Variants in ABCA5 observed in about 807,000 individuals in gnomAD.
The protein encoded by ABCA5 is ATP binding cassette subfamily A member 5.
Under a neutral mutation model 206.0 loss-of-function variants are expected in ABCA5, and 163 were observed. That is an observed-to-expected ratio of 0.79 (90% CI 0.70 to 0.90). ABCA5 has a LOEUF of 0.90. Ranked by LOEUF, ABCA5 falls within the 40% of genes least tolerant of loss-of-function variation. The probability of loss-of-function intolerance (pLI) is 0.00; values close to 1 mark genes in which losing one functional copy is unlikely to be tolerated. For synonymous variants in ABCA5, 609 were observed against 613.8 expected (o/e 0.99, Z 0.11); for missense variants, 1,859 against 1,912.9 (o/e 0.97, Z 0.53).
In ABCA5 at chr17:69,244,330, C is replaced by T. The variant is rs991257783; in HGVS notation, c.*3207G>A. The T allele has an allele frequency of 6.6e-6, 1 of 152,006 alleles. No individual in the cohort carries two copies. Among genetic ancestry groups the T allele is most frequent in the Non-Finnish European group, 1.5e-5 (1 of 67,948 alleles). The allele number at this position is 152,006 out of a possible 1,614,324, so 9.4% of individuals were successfully genotyped here. On this transcript the variant is annotated 3_prime_UTR_variant, in exon 39 of 39. Coordinates refer to ENST00000392676, the MANE Select transcript of ABCA5 (RefSeq NM_172232.4). The stretch of plus-strand genomic sequence containing the variant: ...TAACAATTTTAGTGCCAGGTTTTTG[C>T]ATCATTTTTAATATGAGCTACTCAT...
intron 12 of ABCA5, 79 bp downstream of exon 12, chr17:69,291,137 C>A: frequency 1.2e-6 from 1 of 840,440 alleles, no homozygotes; most frequent in South Asian, 2.9e-5. Context: ...GAAGTTGGTC[C>A]CATTGACAAA....
intron 32 of ABCA5, 80 bp from the exon 33 acceptor site, chr17:69,253,949 G>T: frequency 8.5e-7 from 1 of 1,183,096 alleles, no homozygotes; most frequent in Non-Finnish European, 1.2e-6. Context: ...CCCTGATGTT[G>T]TTTTCTCTAG....
chr17:69,248,187 T>C (rs910582292), intron 38 of ABCA5, 75 bp downstream of exon 38: 37 of 870,412 alleles, frequency 4.3e-5, no homozygotes, highest in Admixed American at 1.7e-4. Context: ...TCTCCCTCTC[T>C]AATATAAACC....
Position 69,271,172 on chromosome 17 carries a change from T to C in ABCA5, c.2882A>G (p.His961Arg), listed in dbSNP as rs747036363. The C allele has an allele frequency of 1.9e-6, 3 of 1,611,566 alleles. No homozygotes were observed. In the Admixed American group the frequency reaches 5.1e-5, roughly 27 times the overall value. Residue 961 changes from histidine to arginine, a missense_variant, in exon 21 of 39, where the codon CAT (histidine) becomes CGT (arginine). His to Arg is a conservative substitution (Grantham distance 29, BLOSUM62 0). Transcript: ENST00000392676. ...APHSAALNVM[H>R]SEKDYVFAAV... Reference sequence around the variant, plus strand: ...CTGCATTCATCTTACCTTTTCTGAATGCATCACATTTAAAGCCGCACTATG... The same window carrying C: ...CTGCATTCATCTTACCTTTTCTGAACGCATCACATTTAAAGCCGCACTATG...
At chr17:69,266,063 T>C (rs1333768872) in intron 23 of ABCA5, among the ~76,000 whole-genome samples, 2 of 152,176 alleles carry the variant, frequency 1.3e-5, no homozygotes, top group Non-Finnish European at 1.5e-5. Context: ...AAGTGTGATG[T>C]ATCCATACCA....
rs1475385033 is a variant in ABCA5, at chr17:69,270,628, A to G, written c.3015T>C (p.Ser1005=). 7 of 1,590,226 alleles carry G rather than the reference A, an allele frequency of 4.4e-6. No homozygotes were observed. Among genetic ancestry groups the G allele is most frequent in the Middle Eastern group, 1.7e-4 (1 of 5,756 alleles). Residue 1005 remains serine, a synonymous_variant, in exon 22 of 39, where the codon AGT becomes AGC. Transcript: ENST00000392676. The stretch of plus-strand genomic sequence containing the variant: ...ATTGGCTTACTTGAAAGAATGGGGT[A>G]CTCCAGATCTGGATGGTTTCAGTCA... ...LNVTETIQIW[S]TPFFQEITDI...
rs1410992650 is a variant in ABCA5, at chr17:69,294,664, C to T, written c.1486G>A (p.Ala496Thr). 2 of 1,605,166 alleles carry T rather than the reference C, an allele frequency of 1.2e-6. No homozygotes were observed. Among genetic ancestry groups the T allele is most frequent in the African/African-American group, 1.3e-5 (1 of 74,686 alleles). Residue 496 changes from alanine (A) to threonine (T), a missense_variant, in exon 11 of 39, where the codon GCT becomes ACT. By Grantham distance (58) the Ala-to-Thr change is moderately conservative. Coordinates refer to ENST00000392676, the MANE Select transcript of ABCA5 (RefSeq NM_172232.4). ...TAGGAAAACTACTTACTTCTCAAAG[C>T]CTCCACATTTTCACCCTTCTTTCTG... ...TYRKKGENVE[A>T]LRNLSFDIYE...
intron 19 of ABCA5, among the ~76,000 whole-genome samples, chr17:69,274,357 T>A (rs947287172): frequency 2.6e-5 from 4 of 151,686 alleles, no homozygotes; most frequent in Non-Finnish European, 4.4e-5. Flanking sequence ...TAGCTGAGAC[T>A]ACAGGCACAC....
At position 69,326,109 on chromosome 17, in the gene ABCA5, G is replaced by A. The variant is rs1034172185; in HGVS notation, c.-16+943C>T. On this transcript the variant is annotated intron_variant, in intron 1 of 38. Coordinates refer to ENST00000392676, the MANE Select transcript of ABCA5 (RefSeq NM_172232.4). The surrounding 1 kb of genome is among the most constrained non-coding windows in gnomAD (Gnocchi z 4.8). ...CACCAGAATTAGGGTCTGGCAGCCC[G>A]GGTTGGAATCTCAACTCCATCCTTT... is the stretch of plus-strand genomic sequence containing the variant. Among the ~76,000 whole-genome samples the A allele has an allele frequency of 2.0e-5, 3 of 152,064 alleles. No homozygotes were observed. The highest frequency in any genetic ancestry group is 2.9e-5 in the Non-Finnish European group (2 of 68,022).
At chr17:69,307,269 T>C (rs1456448125) in intron 5 of ABCA5, among the ~76,000 whole-genome samples, 1 of 152,090 alleles carries the variant, frequency 6.6e-6, no homozygotes, top group Admixed American at 6.5e-5. Context: ...ATATGTATCT[T>C]AGTAAAAATA....
At chr17:69,304,620 TCAAA>T (rs2075697629) in intron 7 of ABCA5, 45 bp downstream of exon 7, 1 of 1,432,720 alleles carries the variant, frequency 7.0e-7, no homozygotes, top group Non-Finnish European at 9.3e-7. Flanking sequence ...TGCTATGTTA[TCAAA>T]CATTTTGACA....
intron 26 of ABCA5, 142 bp downstream of exon 26, chr17:69,260,983 A>C: frequency 1.5e-6 from 1 of 650,272 alleles, no homozygotes; most frequent in South Asian, 2.7e-5. Context: ...ACAATAATTT[A>C]TGCTGCATTA....
chr17:69,244,436 CTTA>C lies in ABCA5; in HGVS notation c.*3098_*3100del, dbSNP rs1289847189. On this transcript the variant is annotated 3_prime_UTR_variant, in exon 39 of 39. Coordinates refer to ENST00000392676, the MANE Select transcript of ABCA5 (RefSeq NM_172232.4). Reference sequence around the variant, plus strand: ...TGTCTTAAATTTTCAACTCTTAAAGCTTATTATTAATATAATCATATTTATTTT... The same window carrying C: ...TGTCTTAAATTTTCAACTCTTAAAGCTTATTAATATAATCATATTTATTTT... The C allele has an allele frequency of 6.6e-6, 1 of 151,750 alleles. No homozygotes were observed. Among genetic ancestry groups the C allele is most frequent in the Non-Finnish European group, 1.5e-5 (1 of 67,866 alleles). 9.4% of individuals were successfully genotyped at this position (151,750 alleles called of 1,614,324 possible).
chr17:69,310,580 C>G (rs1021255323), intron 3 of ABCA5, among the ~76,000 whole-genome samples: 1 of 152,144 alleles, frequency 6.6e-6, no homozygotes, highest in Non-Finnish European at 1.5e-5. Flanking sequence ...AATTGTCATT[C>G]AAATCCAATA....
intron 18 of ABCA5, among the ~76,000 whole-genome samples, chr17:69,281,530 A>T (rs755646171): frequency 1.3e-5 from 2 of 152,190 alleles, no homozygotes; most frequent in Non-Finnish European, 2.9e-5. Flanking sequence ...GAAACTACAA[A>T]ATCACATACA....
chr17:69,280,991 C>A (rs1260141532), intron 18 of ABCA5, among the ~76,000 whole-genome samples: 1 of 151,274 alleles, frequency 6.6e-6, no homozygotes, highest in East Asian at 1.9e-4. Flanking sequence ...ATGTAACTAA[C>A]CTGCACAATG....
chr17:69,255,393 C>A (rs2075062970), intron 31 of ABCA5, 150 bp downstream of exon 31: 2 of 492,364 alleles, frequency 4.1e-6, no homozygotes, highest in Non-Finnish European at 7.0e-6. Context: ...TTACAGATAA[C>A]CCAAAAGATC....
rs150565222 is a variant in ABCA5 at position 69,306,063 on chromosome 17, T to G, written c.788+662A>C. ...CACAGTATTAACCTTCCCCCCAGAA[T>G]GAACTTCATTACATAGTGAAAAGAG... On this transcript the variant is annotated intron_variant, in intron 6 of 38. Transcript: ENST00000392676. Among the ~76,000 whole-genome samples, 1,007 of 152,244 alleles carry G rather than the reference T, an allele frequency of 6.6e-3. 14 individuals carry two copies. The highest frequency in any genetic ancestry group is 0.023 in the African/African-American group (938 of 41,532).
chr17:69,278,725 A>G (rs1404499524), intron 18 of ABCA5, among the ~76,000 whole-genome samples: 2 of 152,192 alleles, frequency 1.3e-5, no homozygotes, highest in African/African-American at 4.8e-5. Context: ...TTGGAATAAA[A>G]ATTTATTTAC....
Sources: allele counts gnomAD v4.1 joint callset (sites outside exome capture counted in the v4.1 genomes callset), GRCh38; gene constraint gnomAD v4.1.1; non-coding constraint Gnocchi (gnomAD v3.1); transcripts MANE v1.5; gene names NCBI Gene and HGNC (gene_info 2026-07-23, HGNC 2026-07-21).